The following CELSR2 variants were observed in gnomAD, a reference collection of about 807,000 sequenced individuals.
The protein encoded by CELSR2 is EGF-like protein 2.
A neutral mutation model predicts 251.6 loss-of-function variants in CELSR2; 81 were observed. That is an observed-to-expected ratio of 0.32 (90% confidence interval 0.27 to 0.39). The LOEUF is 0.39. Among genes scored for constraint, CELSR2 ranks in the 10% least tolerant of loss-of-function variants. The pLI, the probability that CELSR2 is intolerant of heterozygous loss-of-function variation, is 1.00. For synonymous variants in CELSR2, 1,721 were observed against 1,670.5 expected (o/e 1.03, Z -0.74); for missense variants, 3,365 against 3,947.7 (o/e 0.85, Z 3.96).
At position 109,264,248 on chromosome 1, in the gene CELSR2, G is replaced by C. The variant is rs1306602985; in HGVS notation, c.5172G>C (p.Gln1724His). 6.2e-7 allele frequency: 1 copy of C among 1,613,792 alleles called. No homozygotes were observed. Among genetic ancestry groups the C allele is most frequent in the Non-Finnish European group, 8.5e-7 (1 of 1,179,944 alleles). ...HAILSFDYGQ[Q>H]RAEGNLGPRL... ...TTCTGTCCTTCGATTATGGGCAGCA[G>C]AGAGCAGAGGGCAACCTGGGCCCCC... is the stretch of plus-strand genomic sequence containing the variant. Residue 1724 changes from glutamine (Q) to histidine (H), a missense_variant, in exon 10 of 34, where the codon CAG (glutamine) becomes CAC (histidine). By Grantham distance (24) the Gln-to-His change is conservative. This residue lies in a region of CELSR2 where 2,093 missense variants were observed against 2,382.8 expected (regional missense o/e 0.88). Transcript: ENST00000271332.
chr1:109,251,076 G>A lies in CELSR2; in HGVS notation c.997G>A (p.Gly333Arg), dbSNP rs1213962811. The A allele has an allele frequency of 1.9e-6, 3 of 1,613,342 alleles. No homozygotes were observed. In the South Asian group the frequency reaches 3.3e-5, roughly 18 times the overall value. ...TCTGTACCGCCTGCTGGAGGGGTCT[G>A]GGGGCAGCCCCTCTGAAGTCTTTGA... is the stretch of plus-strand genomic sequence containing the variant. ...NILYRLLEGS[G>R]GSPSEVFEID... The change falls in exon 1 of 34, where the codon GGG (glycine) becomes AGG (arginine). Residue 333 changes from glycine to arginine, a missense_variant. Gly to Arg is a moderately radical substitution (Grantham distance 125). Coordinates refer to ENST00000271332, the MANE Select transcript of CELSR2 (RefSeq NM_001408.3). This position sits in a 1 kb window ranked among gnomAD's most constrained non-coding sequence, Gnocchi z 4.9.
chr1:109,253,137 C>T lies in CELSR2; in HGVS notation c.3058C>T (p.Pro1020Ser). 6.2e-7 allele frequency: 1 copy of T among 1,613,848 alleles called. No homozygotes were observed. The highest frequency in any genetic ancestry group is 8.5e-7 in the Non-Finnish European group (1 of 1,180,042). Reference protein sequence around the residue: ...HVRLLDRNDNPPVLGNFEILF... With the variant: ...HVRLLDRNDNSPVLGNFEILF... ...CCGCCTCCTTGACCGCAATGACAAC[C>T]CACCAGTGCTGGGCAACTTTGAGAT... is the stretch of plus-strand genomic sequence containing the variant. The change falls in exon 1 of 34, where the codon CCA (proline) becomes TCA (serine). Residue 1020 changes from proline to serine, a missense_variant. Coordinates refer to ENST00000271332, the MANE Select transcript of CELSR2 (RefSeq NM_001408.3).
chr1:109,270,307 G>A, intron 23 of CELSR2, 119 bp from the exon 24 acceptor site: 2 of 1,340,752 alleles, frequency 1.5e-6, no homozygotes, highest in Non-Finnish European at 2.1e-6. Context: ...CCTGCCTCTG[G>A]CCCAGGCTTC....
At chr1:109,253,442 TG>T (rs1368540660) in intron 1 of CELSR2, 53 bp downstream of exon 1, 2 of 1,555,964 alleles carry the variant, frequency 1.3e-6, no homozygotes, top group East Asian at 4.6e-5. Flanking sequence ...GGGGATGGTC[TG>T]GGCAGCCACT....
In CELSR2 at chr1:109,250,137, C is replaced by T. The variant is rs776508176; in HGVS notation, c.58C>T (p.Leu20=). Residue 20 remains leucine, a synonymous_variant, in exon 1 of 34, where the codon CTG becomes TTG. Coordinates refer to ENST00000271332, the MANE Select transcript of CELSR2 (RefSeq NM_001408.3). This position sits in a 1 kb window ranked among gnomAD's most constrained non-coding sequence, Gnocchi z 4.4. ...AACGCCGCCGCCGCCGCTGCTGCTG[C>T]TGTTGCTGCTGCTGCTGCCGCCGCC... is the stretch of plus-strand genomic sequence containing the variant. ...LPTPPPPLLL[L]LLLLLPPPLL... is the part of the protein sequence containing the mutation. The T allele has an allele frequency of 1.9e-6, 3 of 1,595,570 alleles. No individual in the cohort carries two copies. Among genetic ancestry groups the T allele is most frequent in the Non-Finnish European group, 2.6e-6 (3 of 1,173,586 alleles).
At position 109,252,750 on chromosome 1, in the gene CELSR2, G is replaced by T. The variant is rs1295107977; in HGVS notation, c.2671G>T (p.Ala891Ser). ...GAACGTGGCCCAGTATGTCTTGCGG[G>T]CATATGCAGTGGACAAGGGGATGCC... ...RENVAQYVLR[A>S]YAVDKGMPPA... The change falls in exon 1 of 34, where the codon GCA (alanine) becomes TCA (serine). Residue 891 changes from alanine (A) to serine (S), a missense_variant. By Grantham distance (99) the Ala-to-Ser change is moderately conservative. Around this residue, in one of 5 missense-constraint regions of CELSR2, gnomAD observed 505 missense variants for 660.0 expected, o/e 0.77. Coordinates refer to ENST00000271332, the MANE Select transcript of CELSR2 (RefSeq NM_001408.3). The surrounding 1 kb of genome is among the most constrained non-coding windows in gnomAD (Gnocchi z 4.8). 1.2e-6 allele frequency: 2 copies of T among 1,614,024 alleles called. No homozygotes were observed. The highest frequency in any genetic ancestry group is 1.7e-6 in the Non-Finnish European group (2 of 1,180,038).
In CELSR2 at chr1:109,250,633, G is replaced by A; in HGVS notation, c.554G>A (p.Ser185Asn). ...ACAGCCCCCCAGTTCCAGCCCCCCA[G>A]CTACCAGGCCACAGTGCCGGAGAAC... ...VNTAPQFQPPSYQATVPENQP... is the reference protein window; with the variant it reads ...VNTAPQFQPPNYQATVPENQP... The change falls in exon 1 of 34, where the codon AGC (serine) becomes AAC (asparagine). Residue 185 changes from serine to asparagine, a missense_variant. This residue lies in a region of CELSR2 where 704 missense variants were observed against 784.1 expected (regional missense o/e 0.90). Transcript: ENST00000271332. This position sits in a 1 kb window ranked among gnomAD's most constrained non-coding sequence, Gnocchi z 4.4. 1 of 1,614,018 alleles carries A rather than the reference G, an allele frequency of 6.2e-7. No homozygotes were observed. Among genetic ancestry groups the A allele is most frequent in the Non-Finnish European group, 8.5e-7 (1 of 1,180,012 alleles).
In CELSR2 at chr1:109,253,327, A is replaced by G. The variant is rs769390806; in HGVS notation, c.3248A>G (p.Lys1083Arg). The G allele has an allele frequency of 1.9e-6, 3 of 1,613,420 alleles. No individual in the cohort carries two copies. The highest frequency in any genetic ancestry group is 8.5e-7 in the Non-Finnish European group (1 of 1,180,042). The change falls in exon 1 of 34, where the codon AAG (lysine) becomes AGG (arginine). Residue 1083 changes from lysine to arginine, a missense_variant. Transcript: ENST00000271332. ...CTCAATGCCTCCACGGGTGAGCTGAAGCTAAGCCGCGCACTGGACAACAAC... is the reference window on the plus strand; with the variant it reads ...CTCAATGCCTCCACGGGTGAGCTGAGGCTAAGCCGCGCACTGGACAACAAC... ...VLLNASTGEL[K>R]LSRALDNNRP...
Position 109,262,275 on chromosome 1 carries a change from TC to T in CELSR2, c.4387-10del. On this transcript the variant is annotated splice_polypyrimidine_tract_variant and intron_variant, in intron 5 of 33. Transcript: ENST00000271332. ...CTCAGTGTCCCCCTTCTCTGCTCTT[TC>T]CTGTCCACAGCCACTGTTGGGTCAG... 6.2e-7 allele frequency: 1 copy of T among 1,613,218 alleles called. No individual in the cohort carries two copies. Among genetic ancestry groups the T allele is most frequent in the Non-Finnish European group, 8.5e-7 (1 of 1,179,860 alleles).
In CELSR2 at chr1:109,262,214, C is replaced by G. The variant is rs866468039; in HGVS notation, c.4387-73C>G. The G allele has an allele frequency of 6.0e-5, 95 of 1,570,678 alleles. No homozygotes were observed. In the Middle Eastern group the frequency reaches 2.0e-3, roughly 33 times the overall value. The stretch of plus-strand genomic sequence containing the variant: ...GCATGTGGGTGCACACAGAGGCACC[C>G]AGTGTGTGCTGGCCATGAACCTAGT... On this transcript the variant is annotated intron_variant, in intron 5 of 33. Coordinates refer to ENST00000271332, the MANE Select transcript of CELSR2 (RefSeq NM_001408.3).
intron 24 of CELSR2, 21 bp downstream of exon 24, chr1:109,270,621 T>G (rs2101278028): frequency 2.0e-6 from 1 of 495,612 alleles, no homozygotes; most frequent in East Asian, 8.3e-5. Flanking sequence ...CCATTCCCAG[T>G]CTTGGGGTCC....
At position 109,249,610 on chromosome 1, in the gene CELSR2, A is replaced by G. The variant is rs1322226463; in HGVS notation, c.-470A>G. ...GCCCGGGGCCGCGGCGACAGGCAGC[A>G]GCCGCGGCGGGGACGCGGGGCGCGA... On this transcript the variant is annotated 5_prime_UTR_variant, in exon 1 of 34. Transcript: ENST00000271332. Among the ~76,000 whole-genome samples the G allele has an allele frequency of 6.8e-6, 1 of 147,322 alleles. No individual in the cohort carries two copies. The highest frequency in any genetic ancestry group is 2.1e-4 in the South Asian group (1 of 4,814).
chr1:109,262,389 T>A lies in CELSR2; in HGVS notation c.4489T>A (p.Ser1497Thr). 1 of 1,614,128 alleles carries A rather than the reference T, an allele frequency of 6.2e-7. No homozygotes were observed. The highest frequency in any genetic ancestry group is 8.5e-7 in the Non-Finnish European group (1 of 1,180,014). ...CACAGGAGTGGCCTTGCGCTTCGGA[T>A]CTGTCCTGGGCAACTACTCCTGTGC... ...CDTGVALRFG[S>T]VLGNYSCAAQ... Residue 1497 changes from serine to threonine, a missense_variant, in exon 6 of 34, where the codon TCT (serine) becomes ACT (threonine). Physicochemically the swap from Ser to Thr is moderately conservative, Grantham distance 58. Coordinates refer to ENST00000271332, the MANE Select transcript of CELSR2 (RefSeq NM_001408.3).
At chr1:109,268,138 G>T in intron 17 of CELSR2, 78 bp downstream of exon 17, 2 of 1,514,186 alleles carry the variant, frequency 1.3e-6, no homozygotes, top group African/African-American at 1.4e-5. Flanking sequence ...AACCTGGGGG[G>T]CAGAGGGGGC....
Position 109,270,612 on chromosome 1 carries a change from C to T in CELSR2, c.7483+12C>T, listed in dbSNP as rs1203258730. On this transcript the variant is annotated intron_variant, in intron 24 of 33. Coordinates refer to ENST00000271332, the MANE Select transcript of CELSR2 (RefSeq NM_001408.3). ...TGCCTTCATCACAGGTACTCCCACC[C>T]ATTCCCAGTCTTGGGGTCCCACATC... The T allele has an allele frequency of 1.9e-6, 3 of 1,588,766 alleles. No homozygotes were observed. The highest frequency in any genetic ancestry group is 2.6e-6 in the Non-Finnish European group (3 of 1,165,792).
Position 109,262,272 on chromosome 1 carries a change from C to T in CELSR2, c.4387-15C>T. ...GTACTCAGTGTCCCCCTTCTCTGCT[C>T]TTTCCTGTCCACAGCCACTGTTGGG... On this transcript the variant is annotated splice_polypyrimidine_tract_variant and intron_variant, in intron 5 of 33. Coordinates refer to ENST00000271332, the MANE Select transcript of CELSR2 (RefSeq NM_001408.3). 2 of 1,612,786 alleles carry T rather than the reference C, an allele frequency of 1.2e-6. No homozygotes were observed. The highest frequency in any genetic ancestry group is 8.5e-7 in the Non-Finnish European group (1 of 1,179,662).
At position 109,267,653 on chromosome 1, in the gene CELSR2, C is replaced by A; in HGVS notation, c.6108+11C>A. Reference sequence around the variant, plus strand: ...GAACTGAAGGGCTTCGTAAGTGAACCCCCTCATCTCCATCTTTTCCCTGTC... The same window carrying A: ...GAACTGAAGGGCTTCGTAAGTGAACACCCTCATCTCCATCTTTTCCCTGTC... On this transcript the variant is annotated intron_variant, in intron 16 of 33. Coordinates refer to ENST00000271332, the MANE Select transcript of CELSR2 (RefSeq NM_001408.3). 5 of 1,613,840 alleles carry A rather than the reference C, an allele frequency of 3.1e-6. No individual in the cohort carries two copies.
Position 109,264,937 on chromosome 1 carries a change from G to T in CELSR2, c.5534G>T (p.Arg1845Leu), listed in dbSNP as rs756104863. 2.1e-5 allele frequency: 34 copies of T among 1,614,050 alleles called. No homozygotes were observed. The highest frequency in any genetic ancestry group is 2.9e-5 in the Non-Finnish European group (34 of 1,180,038). Residue 1845 changes from arginine to leucine, a missense_variant, in exon 12 of 34, where the codon CGC (arginine) becomes CTC (leucine). By Grantham distance (102) the Arg-to-Leu change is moderately radical (BLOSUM62 -2). Coordinates refer to ENST00000271332, the MANE Select transcript of CELSR2 (RefSeq NM_001408.3). ...NPCEHQSVCT[R>L]KPSAPHGYTC... is the part of the protein sequence containing the mutation. ...TGTGAGCACCAGTCTGTGTGTACCCGCAAGCCCAGTGCCCCCCATGGCTAT... is the reference window on the plus strand; with the variant it reads ...TGTGAGCACCAGTCTGTGTGTACCCTCAAGCCCAGTGCCCCCCATGGCTAT...
At position 109,250,620 on chromosome 1, in the gene CELSR2, T is replaced by C. The variant is rs766394480; in HGVS notation, c.541T>C (p.Phe181Leu). 2.2e-5 allele frequency: 35 copies of C among 1,613,854 alleles called. No individual in the cohort carries two copies. Among genetic ancestry groups the C allele is most frequent in the Non-Finnish European group, 3.0e-5 (35 of 1,179,964 alleles). Residue 181 changes from phenylalanine (F) to leucine (L), a missense_variant, in exon 1 of 34, where the codon TTC becomes CTC. This residue lies in a region of CELSR2 where 704 missense variants were observed against 784.1 expected (regional missense o/e 0.90). Transcript: ENST00000271332. The surrounding 1 kb of genome is among the most constrained non-coding windows in gnomAD (Gnocchi z 4.4). ...AAGGAATGTAAATACAGCCCCCCAG[T>C]TCCAGCCCCCCAGCTACCAGGCCAC... ...RKRNVNTAPQ[F>L]QPPSYQATVP...
Sources: allele counts gnomAD v4.1 joint callset (sites outside exome capture counted in the v4.1 genomes callset), GRCh38; gene constraint gnomAD v4.1.1; regional missense constraint gnomAD v4.1.1; non-coding constraint Gnocchi (gnomAD v3.1); transcripts MANE v1.5; gene names NCBI Gene and HGNC (gene_info 2026-07-23, HGNC 2026-07-21).